The following LINC00632 variants were observed in gnomAD, a reference collection of about 807,000 sequenced individuals.
LINC00632 encodes the protein long independently transcribed non-coding RNA 632.
At chrX:140,722,766 C>T (rs977586226) in intron 2 of LINC00632, among the ~76,000 whole-genome samples, 1 of 111,672 alleles carries the variant, frequency 9.0e-6, no homozygotes, top group Non-Finnish European at 1.9e-5. Context: ...ACTTGCCGGG[C>T]AAAACAAATG....
chrX:140,737,722 T>C (rs938285004), intron 3 of LINC00632, among the ~76,000 whole-genome samples: 2 of 111,951 alleles, frequency 1.8e-5, no homozygotes, highest in African/African-American at 6.5e-5. Context: ...ATATGTACTG[T>C]TTGTCTTTTT....
chrX:140,752,929 T>G (rs986692383), intron 3 of LINC00632, among the ~76,000 whole-genome samples: 6 of 111,449 alleles, frequency 5.4e-5, no homozygotes, highest in Non-Finnish European at 1.9e-5. Flanking sequence ...CTACATCAAA[T>G]AAGCCTGCTA....
intron 3 of LINC00632, among the ~76,000 whole-genome samples, chrX:140,744,582 GGGGA>G (rs1931295404): frequency 2.1e-4 from 16 of 75,720 alleles, no homozygotes; most frequent in Admixed American, 6.2e-4. Context: ...GGGGGGGTGG[GGGGA>G]GGAGATGGAG....
At chrX:140,786,949 TGACTA>T (rs1446968736) in exon 5 of LINC00632, among the ~76,000 whole-genome samples, 1 of 111,715 alleles carries the variant, frequency 9.0e-6, no homozygotes, top group African/African-American at 3.3e-5. Flanking sequence ...CAGTGACAAA[TGACTA>T]GAAGTAAATG....
intron 3 of LINC00632, among the ~76,000 whole-genome samples, chrX:140,765,251 G>A (rs1931668596): frequency 9.0e-6 from 1 of 110,804 alleles, no homozygotes. Context: ...GGTTGTGTGG[G>A]AAGGGGCAGG....
At chrX:140,788,000 A>G (rs1373011615) in exon 5 of LINC00632, among the ~76,000 whole-genome samples, 1 of 110,498 alleles carries the variant, frequency 9.0e-6, no homozygotes, top group African/African-American at 3.3e-5. Context: ...GGTAGATTTT[A>G]CTTCTAGAAT....
chrX:140,722,377 A>AC (rs1431757422), intron 2 of LINC00632, among the ~76,000 whole-genome samples: 32 of 109,434 alleles, frequency 2.9e-4, no homozygotes, highest in African/African-American at 1.0e-3. Flanking sequence ...AAAAAAAAAA[A>AC]AACAACCTCA....
chrX:140,723,613 AAC>A (rs1569348318), intron 2 of LINC00632, among the ~76,000 whole-genome samples: 15 of 24,951 alleles, frequency 6.0e-4, no homozygotes, highest in Non-Finnish European at 9.5e-4. Flanking sequence ...ACATTCCATA[AAC>A]ACACACACAT....
At chrX:140,775,582 C>A (rs537437088) in exon 5 of LINC00632, among the ~76,000 whole-genome samples, 2 of 111,437 alleles carry the variant, frequency 1.8e-5, no homozygotes, top group Non-Finnish European at 3.8e-5. Flanking sequence ...CTGTTTGTGC[C>A]GGATTCACAG....
intron 2 of LINC00632, among the ~76,000 whole-genome samples, chrX:140,719,945 G>A (rs1202877313): frequency 1.8e-5 from 2 of 109,298 alleles, no homozygotes; most frequent in East Asian, 2.9e-4. Context: ...AAAATTAGCC[G>A]GGCATGGTGG....
chrX:140,734,544 A>G (rs190581468), intron 3 of LINC00632, among the ~76,000 whole-genome samples: 1 of 110,279 alleles, frequency 9.1e-6, no homozygotes, highest in East Asian at 2.9e-4. Context: ...TAATGAATAC[A>G]TTTTCAATAT....
exon 5 of LINC00632, among the ~76,000 whole-genome samples, chrX:140,787,857 A>G (rs1488600524): frequency 9.1e-6 from 1 of 109,602 alleles, no homozygotes; most frequent in African/African-American, 3.3e-5. Flanking sequence ...TCGGGAAAAT[A>G]ACTAGAAGAT....
chrX:140,787,966 T>C (rs1183536344), exon 5 of LINC00632, among the ~76,000 whole-genome samples: 1 of 110,665 alleles, frequency 9.0e-6, no homozygotes, highest in Admixed American at 9.7e-5. Context: ...ATATGAATGT[T>C]CTACAGCTAC....
At chrX:140,733,055 G>A (rs1251670292) in intron 2 of LINC00632, among the ~76,000 whole-genome samples, 5 of 112,246 alleles carry the variant, frequency 4.5e-5, no homozygotes, top group Non-Finnish European at 7.5e-5. Context: ...GAGCCACTGC[G>A]CCCAGCCGAG....
At chrX:140,779,194 G>A (rs1184449144) in exon 5 of LINC00632, among the ~76,000 whole-genome samples, 2 of 109,858 alleles carry the variant, frequency 1.8e-5, no homozygotes, top group Admixed American at 9.8e-5. Context: ...CTTGAGCTCA[G>A]TATTACAAAG....
At chrX:140,737,799 T>C (rs1343045889) in intron 3 of LINC00632, among the ~76,000 whole-genome samples, 4 of 112,100 alleles carry the variant, frequency 3.6e-5, no homozygotes, top group African/African-American at 9.7e-5. Context: ...AATGATAGGA[T>C]TTCATTCCTT....
intron 2 of LINC00632, among the ~76,000 whole-genome samples, chrX:140,727,659 A>G (rs756371956): frequency 1.2e-4 from 13 of 111,495 alleles, no homozygotes; most frequent in African/African-American, 4.2e-4. Flanking sequence ...AGCTAATCCA[A>G]TATTACCGTA....
chrX:140,787,088 ACAAT>A (rs1029685452), exon 5 of LINC00632, among the ~76,000 whole-genome samples: 3 of 111,536 alleles, frequency 2.7e-5, no homozygotes, highest in African/African-American at 9.7e-5. Context: ...AAATATTTAA[ACAAT>A]TGTGCACAAA....
intron 3 of LINC00632, among the ~76,000 whole-genome samples, chrX:140,750,302 A>G (rs1931391226): frequency 9.0e-6 from 1 of 110,949 alleles, no homozygotes; most frequent in Non-Finnish European, 1.9e-5. Context: ...CCAAAATTTC[A>G]GTTAGACAGG....
Sources: gnomAD v4.1 joint callset for allele counts (sites outside exome capture counted in the v4.1 genomes callset) on GRCh38, gnomAD v4.1.1 for gene constraint, MANE v1.5 for transcripts, NCBI Gene and HGNC (gene_info 2026-07-23, HGNC 2026-07-21) for gene names.